Variants in SLC12A2 observed in about 807,000 individuals in gnomAD.
SLC12A2 encodes solute carrier family 12 member 2.
Under a neutral mutation model 136.3 loss-of-function variants are expected in SLC12A2, and 67 were observed. The ratio of observed to expected loss-of-function variants is 0.49; its 90% CI spans 0.40 to 0.60. SLC12A2 has a LOEUF of 0.60. Ranked by LOEUF, SLC12A2 falls within the 20% of genes least tolerant of loss-of-function variation. SLC12A2 has a pLI of 0.00. For missense variants in SLC12A2, 1,322 were observed against 1,534.7 expected (o/e 0.86, Z 2.32); for synonymous variants, 619 against 562.9 (o/e 1.10, Z -1.41).
chr5:128,095,193 G>T (rs544922535), intron 1 of SLC12A2, among the ~76,000 whole-genome samples: 26 of 152,224 alleles, frequency 1.7e-4, no homozygotes, highest in Non-Finnish European at 3.1e-4. Context: ...TGTTTTCTTT[G>T]TGAGAGTGGA....
rs1205382795 is a variant in SLC12A2 at position 128,151,253 on chromosome 5, C to G, written c.2120C>G (p.Ala707Gly). The change falls in exon 14 of 27, where the codon GCA becomes GGA. Residue 707 changes from alanine to glycine, a missense_variant. Ala to Gly is a moderately conservative substitution (Grantham distance 60). Transcript: ENST00000262461. ...SLAKSPGWRP[A>G]FKYYNMWISL... ...TTGTTATTGTTAGGATGGCGTCCTG[C>G]ATTCAAATACTACAACATGTGGATA... 1.2e-6 allele frequency: 2 copies of G among 1,603,900 alleles called. No individual in the cohort carries two copies. Among genetic ancestry groups the G allele is most frequent in the Admixed American group, 3.5e-5 (2 of 57,194 alleles).
chr5:128,114,217 T>A lies in SLC12A2; in HGVS notation c.882T>A (p.Arg294=), dbSNP rs374964334. The part of the protein sequence containing the change: ...KFGWIKGVLV[R]CMLNIWGVML... ...GCCTCTTTTTCCCTCTTTAGGTACG[T>A]TGTATGTTAAACATTTGGGGTGTGA... Residue 294 remains arginine, a synonymous_variant, in exon 3 of 27, where the codon CGT becomes CGA. Transcript: ENST00000262461. 2 of 1,612,590 alleles carry A rather than the reference T, an allele frequency of 1.2e-6. No individual in the cohort carries two copies. The highest frequency in any genetic ancestry group is 1.7e-6 in the Non-Finnish European group (2 of 1,178,854).
intron 4 of SLC12A2, among the ~76,000 whole-genome samples, chr5:128,120,547 A>T (rs1164969153): frequency 2.0e-5 from 3 of 151,324 alleles, no homozygotes; most frequent in Non-Finnish European, 4.4e-5. Flanking sequence ...TGATGAGTTC[A>T]TGTCCTTTGT....
rs1280303133 is a variant in SLC12A2 at position 128,189,412 on chromosome 5, A to G, written c.*2781A>G. The G allele has an allele frequency of 6.6e-6, 1 of 152,274 alleles. No individual in the cohort carries two copies. The highest frequency in any genetic ancestry group is 1.5e-5 in the Non-Finnish European group (1 of 68,018). 9.4% of individuals were successfully genotyped at this position (152,274 alleles called of 1,614,324 possible). On this transcript the variant is annotated 3_prime_UTR_variant, in exon 27 of 27. Coordinates refer to ENST00000262461, the MANE Select transcript of SLC12A2 (RefSeq NM_001046.3). ...CTGAAATCAAATATTTATTTGTTACATTATTCCATTTGTATTTTAGGTTTC... is the reference window on the plus strand; with the variant it reads ...CTGAAATCAAATATTTATTTGTTACGTTATTCCATTTGTATTTTAGGTTTC...
chr5:128,126,941 C>CTT (rs1761815436), intron 4 of SLC12A2, among the ~76,000 whole-genome samples: 1 of 41,002 alleles, frequency 2.4e-5, no homozygotes, highest in African/African-American at 2.1e-4. Flanking sequence ...TCACAACCTA[C>CTT]ATATATATAT....
rs1243756791 is a variant in SLC12A2 at position 128,126,941 on chromosome 5, C to CAT, written c.1049-4101_1049-4100dup. Among the ~76,000 whole-genome samples, 186 of 40,986 alleles carry CAT rather than the reference C, an allele frequency of 4.5e-3. 12 individuals carry two copies. The highest frequency in any genetic ancestry group is 0.023 in the African/African-American group (109 of 4,678). 26.9% of individuals were successfully genotyped at this position (40,986 alleles called of 152,430 possible). A position where few individuals can be genotyped will look rare whatever the true frequency, so the allele number is the denominator to read the frequency against. ...TCCCTTATTCTATTATCACAACCTA[C>CAT]ATATATATATATATATATATATATA... On this transcript the variant is annotated intron_variant, in intron 4 of 26. Coordinates refer to ENST00000262461, the MANE Select transcript of SLC12A2 (RefSeq NM_001046.3).
rs541506039 is a variant in SLC12A2, at chr5:128,150,129, A to G, written c.2107+31A>G. Reference sequence around the variant, plus strand: ...TTTACATTTTTAAAAAAGTTTGTAAATATCATTTTTGATTGCAAAGAAAAT... The same window carrying G: ...TTTACATTTTTAAAAAAGTTTGTAAGTATCATTTTTGATTGCAAAGAAAAT... On this transcript the variant is annotated intron_variant, in intron 13 of 26. Coordinates refer to ENST00000262461, the MANE Select transcript of SLC12A2 (RefSeq NM_001046.3). 3.4e-5 allele frequency: 46 copies of G among 1,354,790 alleles called. No homozygotes were observed. The South Asian group carries it at 4.9e-4, about 14-fold the overall frequency. 83.9% of individuals were successfully genotyped at this position (1,354,790 alleles called of 1,614,324 possible). A position where few individuals can be genotyped will look rare whatever the true frequency, so the allele number is the denominator to read the frequency against.
intron 15 of SLC12A2, among the ~76,000 whole-genome samples, chr5:128,154,004 G>T (rs548091316): frequency 1.7e-3 from 256 of 148,798 alleles, no homozygotes; most frequent in Non-Finnish European, 3.2e-3. Context: ...GTAAAAAGTT[G>T]TATCCTAGAA....
intron 17 of SLC12A2, among the ~76,000 whole-genome samples, chr5:128,164,696 A>G (rs1349654873): frequency 6.6e-6 from 1 of 152,102 alleles, no homozygotes; most frequent in Non-Finnish European, 1.5e-5. Flanking sequence ...ATAGTTGTAG[A>G]GATGCTGTTT....
In SLC12A2 at chr5:128,137,347, A is replaced by G. The variant is rs1186044113; in HGVS notation, c.1409-1250A>G. On this transcript the variant is annotated intron_variant, in intron 7 of 26. Transcript: ENST00000262461. ...ATATATGTTGTTTCTCTTTTCTGGTATACTCTTTTTCCCTGATGATCACAT... is the reference window on the plus strand; with the variant it reads ...ATATATGTTGTTTCTCTTTTCTGGTGTACTCTTTTTCCCTGATGATCACAT... Among the ~76,000 whole-genome samples the G allele has an allele frequency of 4.6e-5, 7 of 152,006 alleles. No homozygotes were observed. The South Asian group carries it at 1.2e-3, about 27-fold the overall frequency.
chr5:128,111,787 C>T (rs1197177866), intron 1 of SLC12A2, among the ~76,000 whole-genome samples: 1 of 142,796 alleles, frequency 7.0e-6, no homozygotes, highest in Non-Finnish European at 1.5e-5. Flanking sequence ...AAAAAGTGTA[C>T]GCATATATAT....
At position 128,189,152 on chromosome 5, in the gene SLC12A2, A is replaced by G. The variant is rs1415251653; in HGVS notation, c.*2521A>G. 1.3e-5 allele frequency: 2 copies of G among 152,212 alleles called. No homozygotes were observed. The highest frequency in any genetic ancestry group is 6.5e-5 in the Admixed American group (1 of 15,270). 9.4% of individuals were successfully genotyped at this position (152,212 alleles called of 1,614,324 possible). On this transcript the variant is annotated 3_prime_UTR_variant, in exon 27 of 27. Coordinates refer to ENST00000262461, the MANE Select transcript of SLC12A2 (RefSeq NM_001046.3). ...ACTAGACACCAGGTCGAAAATTTTCAAGGTTATAGTACTTATTTCAACAAT... is the reference window on the plus strand; with the variant it reads ...ACTAGACACCAGGTCGAAAATTTTCGAGGTTATAGTACTTATTTCAACAAT...
At chr5:128,144,663 G>A (rs1489254384) in intron 10 of SLC12A2, among the ~76,000 whole-genome samples, 5 of 152,020 alleles carry the variant, frequency 3.3e-5, no homozygotes, top group Non-Finnish European at 7.4e-5. Flanking sequence ...CTTCTGTTCC[G>A]AGTGGACTCC....
intron 21 of SLC12A2, 98 bp downstream of exon 21, chr5:128,177,250 C>T: frequency 1.2e-6 from 1 of 833,980 alleles, no homozygotes; most frequent in South Asian, 1.8e-5. Flanking sequence ...GTTTTTATTT[C>T]CATGGTGAGG....
intron 14 of SLC12A2, among the ~76,000 whole-genome samples, chr5:128,152,378 T>C (rs575397619): frequency 6.6e-6 from 1 of 152,332 alleles, no homozygotes; most frequent in Non-Finnish European, 1.5e-5. Flanking sequence ...AGAAATTTGC[T>C]CATTTCCATT....
intron 16 of SLC12A2, among the ~76,000 whole-genome samples, chr5:128,158,523 G>T (rs889211335): frequency 6.6e-6 from 1 of 152,156 alleles, no homozygotes; most frequent in African/African-American, 2.4e-5. Flanking sequence ...TTCTGGAAAG[G>T]AAGTGATCTC....
chr5:128,102,414 T>A (rs959269283), intron 1 of SLC12A2, among the ~76,000 whole-genome samples: 2 of 151,968 alleles, frequency 1.3e-5, no homozygotes, highest in Admixed American at 6.6e-5. Flanking sequence ...ATTGGTGTTA[T>A]TTTTTATAAT....
At chr5:128,110,170 A>T in intron 1 of SLC12A2, 1 of 826,886 alleles carries the variant, frequency 1.2e-6, no homozygotes, top group Non-Finnish European at 2.2e-6. Flanking sequence ...AAGATGCCAG[A>T]TGTAGAGTTC....
intron 1 of SLC12A2, among the ~76,000 whole-genome samples, chr5:128,100,713 A>G (rs1760712940): frequency 6.6e-6 from 1 of 152,160 alleles, no homozygotes; most frequent in Non-Finnish European, 1.5e-5. Context: ...GCTACTAGAC[A>G]TATACTTCTC....
Sources: allele counts gnomAD v4.1 joint callset (sites outside exome capture counted in the v4.1 genomes callset), GRCh38; gene constraint gnomAD v4.1.1; transcripts MANE v1.5; gene names NCBI Gene and HGNC (gene_info 2026-07-23, HGNC 2026-07-21).